The following SYNE2 variants were observed in gnomAD, a reference collection of about 807,000 sequenced individuals.
SYNE2 encodes spectrin repeat containing nuclear envelope protein 2, also known as nesprin-2.
In SYNE2, 431 loss-of-function variants were observed where a neutral mutation model predicts 856.3. The observed-to-expected ratio is 0.50, with a 90% CI of 0.47 to 0.55. The LOEUF is 0.55. SYNE2 is among the 20% of genes least tolerant of loss of function. The probability of loss-of-function intolerance (pLI) is 0.00; values close to 1 mark genes in which losing one functional copy is unlikely to be tolerated. For missense variants in SYNE2, 8,129 were observed against 8,023.2 expected (o/e 1.01, Z -0.50); for synonymous variants, 2,923 against 2,872.3 (o/e 1.02, Z -0.56).
chr14:64,114,232 G>A (rs79535137), intron 66 of SYNE2, among the ~76,000 whole-genome samples: 1,576 of 152,258 alleles, frequency 0.01, 14 homozygotes, highest in South Asian at 0.022. Context: ...GGCTCAGCCC[G>A]AAGGTTGGGG....
At chr14:64,092,828 A>G (rs2097637827) in intron 60 of SYNE2, among the ~76,000 whole-genome samples, 1 of 152,142 alleles carries the variant, frequency 6.6e-6, no homozygotes, top group Non-Finnish European at 1.5e-5. Flanking sequence ...CTTACTCGTA[A>G]AACACACATC....
chr14:64,029,590 T>C (rs1485348570), intron 43 of SYNE2, among the ~76,000 whole-genome samples: 2 of 152,222 alleles, frequency 1.3e-5, no homozygotes, highest in Admixed American at 6.5e-5. Context: ...GATTTAATGA[T>C]ACAATTTGTA....
rs150464227 is a variant in SYNE2, at chr14:63,998,301, G to A, written c.3326G>A (p.Ser1109Asn). ...GAAAGCATTATGGAAAAGGATTACA[G>A]TGCATCTATAAATAGTTTACTAGAG... ...QEESIMEKDY[S>N]ASINSLLERY... Residue 1109 changes from serine to asparagine, a missense_variant, in exon 26 of 116, where the codon AGT becomes AAT. This residue lies in a region of SYNE2 where 2,422 missense variants were observed against 2,357.4 expected (regional missense o/e 1.03). Coordinates refer to ENST00000555002, the MANE Select transcript of SYNE2 (RefSeq NM_182914.3). The A allele has an allele frequency of 3.1e-4, 504 of 1,613,136 alleles. 2 individuals are homozygous for A. In the East Asian group the frequency reaches 0.011, roughly 35 times the overall value.
In SYNE2 at chr14:63,997,115, C is replaced by G. The variant is rs1255409891; in HGVS notation, c.3109C>G (p.His1037Asp). ...ERLLKCASEI[H>D]MTLQPTAGGT... ...ACTTCTGAAATGTGCTTCCGAGATT[C>G]ATATGACACTGCAGCCCACAGCGGG... is the stretch of plus-strand genomic sequence containing the variant. Residue 1037 changes from histidine to aspartate, a missense_variant, in exon 24 of 116, where the codon CAT (histidine) becomes GAT (aspartate). By Grantham distance (81) the His-to-Asp change is moderately conservative. Coordinates refer to ENST00000555002, the MANE Select transcript of SYNE2 (RefSeq NM_182914.3). 6.2e-7 allele frequency: 1 copy of G among 1,614,108 alleles called. No homozygotes were observed. The highest frequency in any genetic ancestry group is 1.1e-5 in the South Asian group (1 of 91,070).
At chr14:64,183,074 CCGGA>C (rs1567572383) in intron 96 of SYNE2, among the ~76,000 whole-genome samples, 1 of 147,804 alleles carries the variant, frequency 6.8e-6, no homozygotes, top group Admixed American at 7.0e-5. Flanking sequence ...TCCTCACTTC[CCGGA>C]CGGGGCGGCT....
At chr14:63,969,169 C>CTTTTT (rs34436117) in intron 11 of SYNE2, among the ~76,000 whole-genome samples, 2 of 128,952 alleles carry the variant, frequency 1.6e-5, no homozygotes, top group African/African-American at 2.9e-5. Flanking sequence ...GAATCTCATT[C>CTTTTT]TTTTTTTTTT....
At chr14:64,038,749 A>C (rs1455805792) in intron 45 of SYNE2, among the ~76,000 whole-genome samples, 1 of 152,266 alleles carries the variant, frequency 6.6e-6, no homozygotes, top group Non-Finnish European at 1.5e-5. Context: ...AGGCTGAGGC[A>C]GGAGAATCAG....
At chr14:64,171,110 TA>T (rs1489607102) in intron 94 of SYNE2, among the ~76,000 whole-genome samples, 1 of 151,978 alleles carries the variant, frequency 6.6e-6, no homozygotes, top group Non-Finnish European at 1.5e-5. Flanking sequence ...AAAATAAAAA[TA>T]AAGGGGCAAA....
rs1415000320 is a variant in SYNE2, at chr14:64,052,400, A to T, written c.8487A>T (p.Leu2829Phe). ...AATCAACTCAAAGATCACAGCAATT[A>T]GAATTTAAGTTGGAAGAAAGAAGCA... ...VLKSTQRSQQ[L>F]EFKLEERSNF... Residue 2829 changes from leucine to phenylalanine, a missense_variant, in exon 48 of 116, where the codon TTA (leucine) becomes TTT (phenylalanine). By Grantham distance (22) the Leu-to-Phe change is conservative. Transcript: ENST00000555002. 6.2e-7 allele frequency: 1 copy of T among 1,613,752 alleles called. No homozygotes were observed. The highest frequency in any genetic ancestry group is 8.5e-7 in the Non-Finnish European group (1 of 1,179,904).
chr14:64,219,529 T>A, intron 110 of SYNE2, 119 bp downstream of exon 110: 2 of 960,602 alleles, frequency 2.1e-6, no homozygotes, highest in Non-Finnish European at 3.3e-6. Context: ...ATGGTGTATG[T>A]AGAGGTCACT....
intron 84 of SYNE2, among the ~76,000 whole-genome samples, chr14:64,150,321 A>AAAAATG (rs766798501): frequency 8.4e-6 from 1 of 119,418 alleles, no homozygotes; most frequent in Admixed American, 9.3e-5. Flanking sequence ...AAAAAAAAAA[A>AAAAATG]GGATCCTCCC....
At chr14:64,001,662 T>G (rs1266868140) in intron 28 of SYNE2, among the ~76,000 whole-genome samples, 1 of 152,234 alleles carries the variant, frequency 6.6e-6, no homozygotes, top group Non-Finnish European at 1.5e-5. Flanking sequence ...TGCTGCCTCT[T>G]ACTAAATAAA....
At position 64,215,974 on chromosome 14, in the gene SYNE2, C is replaced by T. The variant is rs2098664469; in HGVS notation, c.19403-274C>T. 21 of 1,386,062 alleles carry T rather than the reference C, an allele frequency of 1.5e-5. No homozygotes were observed. The South Asian group carries it at 3.0e-4, about 20-fold the overall frequency. 85.9% of individuals were successfully genotyped at this position (1,386,062 alleles called of 1,614,324 possible). A position where few individuals can be genotyped will look rare whatever the true frequency, so the allele number is the denominator to read the frequency against. The stretch of plus-strand genomic sequence containing the variant: ...CAGACCCGGCCTTGCCACTCAGTGT[C>T]CCTACCACTCGAGACCCTGGCTCCA... On this transcript the variant is annotated intron_variant, in intron 107 of 115. Coordinates refer to ENST00000555002, the MANE Select transcript of SYNE2 (RefSeq NM_182914.3).
chr14:63,840,538 C>T (rs1239184665), intron 1 of SYNE2, among the ~76,000 whole-genome samples: 1 of 140,180 alleles, frequency 7.1e-6, no homozygotes, highest in Non-Finnish European at 1.5e-5. Context: ...AAAGGGGTCT[C>T]ACTATATTGC....
chr14:63,941,373 A>G (rs1420433387), intron 3 of SYNE2, among the ~76,000 whole-genome samples: 5 of 152,218 alleles, frequency 3.3e-5, no homozygotes, highest in African/African-American at 1.2e-4. Flanking sequence ...TACTCCAGAA[A>G]TGTAATCTGC....
intron 64 of SYNE2, among the ~76,000 whole-genome samples, chr14:64,103,570 C>T (rs1361237784): frequency 6.6e-6 from 1 of 152,132 alleles, no homozygotes; most frequent in Non-Finnish European, 1.5e-5. Flanking sequence ...TGCCTCCTGT[C>T]CAGGGCTGAC....
chr14:63,794,374 G>A (rs181521714), intron 1 of SYNE2, among the ~76,000 whole-genome samples: 1 of 152,160 alleles, frequency 6.6e-6, no homozygotes, highest in East Asian at 1.9e-4. Context: ...ATTTTTAGTA[G>A]AGACAGGGTT....
intron 1 of SYNE2, among the ~76,000 whole-genome samples, chr14:63,776,589 T>G (rs1323039390): frequency 6.6e-6 from 1 of 151,080 alleles, no homozygotes; most frequent in South Asian, 2.1e-4. Context: ...AATTTCTTTT[T>G]TTCTTTCTTT....
intron 1 of SYNE2, among the ~76,000 whole-genome samples, chr14:63,869,514 C>T (rs528911685): frequency 5.3e-5 from 8 of 151,022 alleles, no homozygotes; most frequent in South Asian, 2.1e-4. Flanking sequence ...CCCAGCTACT[C>T]GGGAGGCTGA....
Sources: allele counts gnomAD v4.1 joint callset (sites outside exome capture counted in the v4.1 genomes callset), GRCh38; gene constraint gnomAD v4.1.1; regional missense constraint gnomAD v4.1.1; transcripts MANE v1.5; gene names NCBI Gene and HGNC (gene_info 2026-07-23, HGNC 2026-07-21).